MICAL2: variants seen among roughly 807,000 people sequenced by gnomAD.
MICAL2 encodes the protein microtubule associated monooxygenase, calponin and LIM domain containing 2, also known as [F-actin]-monooxygenase MICAL2.
Under a neutral mutation model 127.3 loss-of-function variants are expected in MICAL2, and 77 were observed. The ratio of observed to expected loss-of-function variants is 0.60; its 90% CI spans 0.50 to 0.73. The LOEUF is 0.73. Among genes scored for constraint, MICAL2 ranks in the 30% least tolerant of loss-of-function variants. The pLI is 0.00. For synonymous variants in MICAL2, 570 were observed against 551.1 expected (o/e 1.03, Z -0.48); for missense variants, 1,351 against 1,434.4 (o/e 0.94, Z 0.94).
intron 8 of MICAL2, among the ~76,000 whole-genome samples, chr11:12,218,496 T>A (rs781547159): frequency 6.6e-6 from 1 of 152,232 alleles, no homozygotes; most frequent in Non-Finnish European, 1.5e-5. Context: ...CTGTCTTCAC[T>A]GTGTAATGTC....
chr11:12,261,904 T>C, intron 26 of MICAL2: 1 of 986,318 alleles, frequency 1.0e-6, no homozygotes, highest in Non-Finnish European at 1.2e-6. Flanking sequence ...GTATAGAAAG[T>C]AAATTTTTGA....
At chr11:12,277,163 G>A (rs1225847509) in intron 1 of MICAL2, among the ~76,000 whole-genome samples, 1 of 152,108 alleles carries the variant, frequency 6.6e-6, no homozygotes, top group Non-Finnish European at 1.5e-5. Flanking sequence ...GTAGGGTTCT[G>A]CTCTGGAGCC....
chr11:12,347,413 A>G (rs1178669739), intron 32 of MICAL2, among the ~76,000 whole-genome samples: 2 of 152,224 alleles, frequency 1.3e-5, no homozygotes, highest in East Asian at 1.9e-4. Context: ...TTCTCATGCA[A>G]TGTAACATTA....
At chr11:12,340,239 C>A (rs978753153) in intron 32 of MICAL2, among the ~76,000 whole-genome samples, 2 of 152,266 alleles carry the variant, frequency 1.3e-5, no homozygotes, top group African/African-American at 4.8e-5. Flanking sequence ...TAAATATAGA[C>A]AAATGACATA....
intron 24 of MICAL2, among the ~76,000 whole-genome samples, chr11:12,270,976 T>A (rs1283865854): frequency 2.6e-5 from 4 of 152,196 alleles, no homozygotes; most frequent in Non-Finnish European, 5.9e-5. Flanking sequence ...GGCAGGGGTC[T>A]GGCCAGGAAA....
intron 4 of MICAL2, among the ~76,000 whole-genome samples, chr11:12,204,768 G>A (rs1854460184): frequency 6.6e-6 from 1 of 152,196 alleles, no homozygotes; most frequent in South Asian, 2.1e-4. Context: ...ATGATTGAGT[G>A]AAACAGAGAA....
In MICAL2 at chr11:12,304,845, C is replaced by T. The variant is rs924466596; in HGVS notation, c.5212+9988C>T. Among the ~76,000 whole-genome samples the T allele has an allele frequency of 7.9e-5, 12 of 152,248 alleles. No individual in the cohort carries two copies. The South Asian group carries it at 1.7e-3, about 21-fold the overall frequency. ...TTCATTATGTGGTTTTATAATAAAT[C>T]GTCATAGTCTAGAGTAAATCCTTCA... On this transcript the variant is annotated intron_variant, in intron 29 of 34. Transcript: ENST00000646065.
At chr11:12,348,756 C>T (rs576252706) in intron 32 of MICAL2, among the ~76,000 whole-genome samples, 1 of 152,234 alleles carries the variant, frequency 6.6e-6, no homozygotes, top group South Asian at 2.1e-4. Context: ...TGAACTTGGG[C>T]AAGTTTAATC....
intron 12 of MICAL2, 135 bp downstream of exon 12, chr11:12,223,636 G>A: frequency 2.9e-6 from 2 of 699,032 alleles, no homozygotes; most frequent in Non-Finnish European, 4.9e-6. Flanking sequence ...TCATGGGCAG[G>A]CACCTGTCCT....
intron 2 of MICAL2, among the ~76,000 whole-genome samples, chr11:12,148,368 G>A (rs1312674122): frequency 6.6e-6 from 1 of 152,090 alleles, no homozygotes; most frequent in Non-Finnish European, 1.5e-5. Context: ...AGGAAGAGAG[G>A]GCTGCATGAT....
At chr11:12,243,927 T>C (rs1860336888) in intron 20 of MICAL2, 60 bp from the exon 21 acceptor site, 21 of 1,589,870 alleles carry the variant, frequency 1.3e-5, no homozygotes, top group East Asian at 2.2e-5. Flanking sequence ...GATTGAGGCA[T>C]GTATCACCAT....
At chr11:12,169,257 C>A (rs1855944466) in intron 3 of MICAL2, among the ~76,000 whole-genome samples, 1 of 151,888 alleles carries the variant, frequency 6.6e-6, no homozygotes, top group Admixed American at 6.6e-5. Context: ...TGGTTCTGAA[C>A]TTTTTTCACT....
intron 22 of MICAL2, chr11:12,252,897 T>TC (rs1358585880): frequency 6.6e-6 from 1 of 152,242 alleles, no homozygotes; most frequent in African/African-American, 2.4e-5. Context: ...CCCTGCAGCC[T>TC]CCATTGCTGC....
intron 1 of MICAL2, among the ~76,000 whole-genome samples, chr11:12,128,648 T>C (rs1288891622): frequency 6.6e-6 from 1 of 152,188 alleles, no homozygotes; most frequent in Non-Finnish European, 1.5e-5. Flanking sequence ...ACACTGTGGG[T>C]GAAACAGTAC....
intron 26 of MICAL2, 42 bp from the exon 27 acceptor site, chr11:12,262,438 C>A: frequency 6.2e-7 from 1 of 1,612,156 alleles, no homozygotes; most frequent in Non-Finnish European, 8.5e-7. Context: ...GCTCTCTTTT[C>A]TATCTTTCTC....
At chr11:12,253,415 G>A (rs1861836540) in intron 22 of MICAL2, 1 of 152,254 alleles carries the variant, frequency 6.6e-6, no homozygotes, top group Non-Finnish European at 1.5e-5. Context: ...TTGTTGGCAG[G>A]GTGGGCTGTG....
chr11:12,186,500 T>A (rs1858298146), intron 3 of MICAL2, among the ~76,000 whole-genome samples: 1 of 152,196 alleles, frequency 6.6e-6, no homozygotes, highest in African/African-American at 2.4e-5. Context: ...CCCTTTAAGA[T>A]TATTTATCCC....
chr11:12,162,114 C>A lies in MICAL2; in HGVS notation c.-42C>A, dbSNP rs372247787. On this transcript the variant is annotated 5_prime_UTR_variant, in exon 3 of 28. In the 5' UTR this introduces an upstream ATG that the reference lacks. Transcript: ENST00000683283. The stretch of plus-strand genomic sequence containing the variant: ...TCTCCAGATACTTCATGCTGTTCAC[C>A]TGTGTCCTCGCCGCACCACTGCCGC... 17 of 1,612,118 alleles carry A rather than the reference C, an allele frequency of 1.1e-5. No individual in the cohort carries two copies. In the Admixed American group the frequency reaches 2.3e-4, roughly 22 times the overall value.
At chr11:12,308,398 A>G (rs1157192469) in intron 29 of MICAL2, among the ~76,000 whole-genome samples, 1 of 152,176 alleles carries the variant, frequency 6.6e-6, no homozygotes, top group East Asian at 1.9e-4. Context: ...ATCCATGAAA[A>G]TGGTGTATCT....
Sources: gnomAD v4.1 joint callset for allele counts (sites outside exome capture counted in the v4.1 genomes callset) on GRCh38, gnomAD v4.1.1 for gene constraint, MANE v1.5 for transcripts, NCBI Gene and HGNC (gene_info 2026-07-23, HGNC 2026-07-21) for gene names.